KIFC3: variants seen among roughly 807,000 people sequenced by gnomAD.
The protein encoded by KIFC3 is kinesin-like protein KIFC3.
Under a neutral mutation model 101.8 loss-of-function variants are expected in KIFC3, and 60 were observed. That is an observed-to-expected ratio of 0.59 (90% confidence interval 0.48 to 0.73). The LOEUF is 0.73. Among genes scored for constraint, KIFC3 ranks in the 30% least tolerant of loss-of-function variants. KIFC3 has a pLI of 0.00. For synonymous variants in KIFC3, 476 were observed against 482.7 expected (o/e 0.99, Z 0.18); for missense variants, 966 against 1,137.1 (o/e 0.85, Z 2.16).
chr16:57,802,304 CA>C lies in KIFC3; in HGVS notation c.-40+65del. 2 of 864,644 alleles carry C rather than the reference CA, an allele frequency of 2.3e-6. No homozygotes were observed. The highest frequency in any genetic ancestry group is 2.8e-6 in the Non-Finnish European group (2 of 719,866). 53.6% of individuals were successfully genotyped at this position (864,644 alleles called of 1,614,324 possible). ...CAGGGCCGGCCCGGACGCGGCGCCC[CA>C]AACGGCGGGCCGGGCAGAGCCCAGC... On this transcript the variant is annotated intron_variant, in intron 1 of 19. Transcript: ENST00000445690. The surrounding 1 kb of genome is among the most constrained non-coding windows in gnomAD (Gnocchi z 5.0).
At chr16:57,837,460 TCA>T (rs1442523890) in intron 1 of KIFC3, among the ~76,000 whole-genome samples, 10 of 138,836 alleles carry the variant, frequency 7.2e-5, no homozygotes, top group Non-Finnish European at 1.4e-4. Flanking sequence ...AGAGTGAGAC[TCA>T]GTCAAAAAAG....
At position 57,781,851 on chromosome 16, in the gene KIFC3, G is replaced by A. The variant is rs1352073162; in HGVS notation, c.316-9563C>T. On this transcript the variant is annotated intron_variant, in intron 3 of 19. Transcript: ENST00000445690. The stretch of plus-strand genomic sequence containing the variant: ...TTAGGCAACTTACTTGAGGTCACCT[G>A]ACCAGTAAGTGGTGGACCTAGGACC... 3.6e-6 allele frequency: 3 copies of A among 838,002 alleles called. No individual in the cohort carries two copies. In the African/African-American group the frequency reaches 5.5e-5, roughly 15 times the overall value. The allele number at this position is 838,002 out of a possible 1,614,324, so 51.9% of individuals were successfully genotyped here.
chr16:57,842,603 C>G (rs1373595384), intron 1 of KIFC3, among the ~76,000 whole-genome samples: 1 of 152,180 alleles, frequency 6.6e-6, no homozygotes, highest in Non-Finnish European at 1.5e-5. Flanking sequence ...ATCAGACTAA[C>G]AACTTGGGCA....
upstream of KIFC3, among the ~76,000 whole-genome samples, chr16:57,803,828 G>A (rs905115538): frequency 2.6e-5 from 4 of 152,222 alleles, no homozygotes; most frequent in African/African-American, 7.2e-5. Flanking sequence ...TCCAATGGGA[G>A]AGAAAGCCTT....
At position 57,771,184 on chromosome 16, in the gene KIFC3, G is replaced by A; in HGVS notation, c.765+14C>T. Reference sequence around the variant, plus strand: ...CCTTGGGCTGAGGCACAGATCAGGTGGGCCAGGGCTCACCTTGACAGGTGG... The same window carrying A: ...CCTTGGGCTGAGGCACAGATCAGGTAGGCCAGGGCTCACCTTGACAGGTGG... On this transcript the variant is annotated intron_variant, in intron 6 of 19. Coordinates refer to ENST00000445690, the MANE Select transcript of KIFC3 (RefSeq NM_001130100.2). The A allele has an allele frequency of 7.5e-6, 12 of 1,610,698 alleles. No homozygotes were observed. Among genetic ancestry groups the A allele is most frequent in the Non-Finnish European group, 1.0e-5 (12 of 1,178,950 alleles).
In KIFC3 at chr16:57,795,016, G is replaced by A. The variant is rs2054177746; in HGVS notation, c.298C>T (p.Leu100Phe). 6.3e-7 allele frequency: 1 copy of A among 1,594,288 alleles called. No individual in the cohort carries two copies. Among genetic ancestry groups the A allele is most frequent in the Non-Finnish European group, 8.5e-7 (1 of 1,173,474 alleles). ...DWAGPGSPHG[L>F]YLTLQVEHLK... The stretch of plus-strand genomic sequence containing the variant: ...GTGCTTACCTGCAGGGTCAGGTAGA[G>A]CCCGTGGGGGCTTCCGGGGCCAGCC... The change falls in exon 3 of 20, where the codon CTC becomes TTC. Residue 100 changes from leucine (L) to phenylalanine (F), a missense_variant. Coordinates refer to ENST00000445690, the MANE Select transcript of KIFC3 (RefSeq NM_001130100.2).
intron 6 of KIFC3, 115 bp from the exon 7 acceptor site, chr16:57,770,815 C>T: frequency 1.1e-6 from 1 of 924,868 alleles, no homozygotes; most frequent in Non-Finnish European, 1.5e-6. Flanking sequence ...ACTCAGAAAC[C>T]AGAAAAAAAC....
chr16:57,775,742 A>T, intron 3 of KIFC3: 3 of 985,660 alleles, frequency 3.0e-6, no homozygotes, highest in Non-Finnish European at 3.6e-6. Flanking sequence ...CAGCAGGCAC[A>T]TGCCTGAGCC....
At chr16:57,828,264 A>G (rs1359052079) in intron 1 of KIFC3, among the ~76,000 whole-genome samples, 1 of 152,224 alleles carries the variant, frequency 6.6e-6, no homozygotes, top group Non-Finnish European at 1.5e-5. Flanking sequence ...TGAGGTAGGA[A>G]GCGTGCTTAG....
At chr16:57,773,137 C>T (rs999080927) in intron 3 of KIFC3, among the ~76,000 whole-genome samples, 2 of 152,236 alleles carry the variant, frequency 1.3e-5, no homozygotes, top group Admixed American at 6.5e-5. Flanking sequence ...CTCCAGCTTC[C>T]GTCAGGGCAT....
rs1163282893 is a variant in KIFC3 at position 57,822,011 on chromosome 16, G to A, written c.109-23729C>T. Among the ~76,000 whole-genome samples the A allele has an allele frequency of 6.6e-5, 10 of 152,208 alleles. 1 individual carries two copies. Among genetic ancestry groups the A allele is most frequent in the African/African-American group, 2.4e-4 (10 of 41,454 alleles). On this transcript the variant is annotated intron_variant, in intron 1 of 2. Coordinates refer to the KIFC3 transcript ENST00000563028. ...GGATCACTTGAGCCTGGGAGATCAA[G>A]GCTGCAGTGAGCTGTGATGGAGCCA...
intron 1 of KIFC3, among the ~76,000 whole-genome samples, chr16:57,851,786 C>A (rs143829577): frequency 2.6e-4 from 39 of 151,554 alleles, no homozygotes; most frequent in Non-Finnish European, 2.4e-4. Context: ...GTCGCCTGGG[C>A]TGGAGTGCAA....
intron 3 of KIFC3, among the ~76,000 whole-genome samples, chr16:57,774,501 AAAATC>A (rs1555610711): frequency 2.0e-5 from 3 of 151,890 alleles, no homozygotes; most frequent in Non-Finnish European, 4.4e-5. Flanking sequence ...TATAGTTGAC[AAAATC>A]TTTATGCTTT....
intron 1 of KIFC3, among the ~76,000 whole-genome samples, chr16:57,823,401 T>G (rs2055391905): frequency 6.6e-6 from 1 of 152,202 alleles, no homozygotes; most frequent in African/African-American, 2.4e-5. Flanking sequence ...CCTGACTACC[T>G]TGGGCACTTC....
intron 3 of KIFC3, among the ~76,000 whole-genome samples, chr16:57,778,812 T>A (rs184092491): frequency 2.0e-5 from 3 of 152,140 alleles, no homozygotes; most frequent in Admixed American, 6.5e-5. Flanking sequence ...GGCACAAAGA[T>A]TGCCTGAGGC....
chr16:57,799,737 G>C (rs528599528), intron 1 of KIFC3, among the ~76,000 whole-genome samples: 1 of 152,296 alleles, frequency 6.6e-6, no homozygotes, highest in Non-Finnish European at 1.5e-5. Context: ...AGGGCTCACT[G>C]CGGGGTGGAA....
chr16:57,805,404 G>A (rs536876157), upstream of KIFC3, among the ~76,000 whole-genome samples: 2 of 152,268 alleles, frequency 1.3e-5, no homozygotes, highest in Admixed American at 6.5e-5. Context: ...TCCTGGCCCC[G>A]GGAAAGGTGC....
chr16:57,832,986 T>C (rs1233875519), intron 1 of KIFC3, among the ~76,000 whole-genome samples: 6 of 152,196 alleles, frequency 3.9e-5, no homozygotes, highest in African/African-American at 1.4e-4. Flanking sequence ...AGCAGGTGGA[T>C]CACCTGAGGT....
chr16:57,802,707 C>T (rs912922768), upstream of KIFC3: 13 of 837,784 alleles, frequency 1.6e-5, no homozygotes, highest in Non-Finnish European at 2.3e-5. This position sits in a 1 kb window ranked among gnomAD's most constrained non-coding sequence, Gnocchi z 5.0. Context: ...CTCCCGCCTC[C>T]CCGCGTCCCG....
Sources: gnomAD v4.1 joint callset for allele counts (sites outside exome capture counted in the v4.1 genomes callset) on GRCh38, gnomAD v4.1.1 for gene constraint, Gnocchi (gnomAD v3.1) non-coding constraint, MANE v1.5 for transcripts, NCBI Gene and HGNC (gene_info 2026-07-23, HGNC 2026-07-21) for gene names.